Variants in GBE1 observed in about 807,000 individuals in gnomAD.
The protein encoded by GBE1 is 1,4-alpha-glucan-branching enzyme.
A neutral mutation model predicts 88.8 loss-of-function variants in GBE1; 70 were observed. That is an observed-to-expected ratio of 0.79 (90% CI 0.65 to 0.96). GBE1 has a LOEUF of 0.96. Among genes scored for constraint, GBE1 ranks in the 40% least tolerant of loss-of-function variants. The probability of loss-of-function intolerance (pLI) is 0.00; values close to 1 mark genes in which losing one functional copy is unlikely to be tolerated. For synonymous variants in GBE1, 284 were observed against 300.1 expected (o/e 0.95, Z 0.56); for missense variants, 872 against 871.0 (o/e 1.00, Z -0.01).
chr3:81,723,709 C>T (rs1421811802), intron 1 of GBE1, among the ~76,000 whole-genome samples: 2 of 152,160 alleles, frequency 1.3e-5, no homozygotes, highest in East Asian at 1.9e-4. Context: ...TGAAGCATGA[C>T]GTACTCATTC....
In GBE1 at chr3:81,577,905, T is replaced by C. The variant is rs1373605266; in HGVS notation, c.1618+20A>G. ...TAACATTTTAAACACAAATTGCATA[T>C]GTGTTTAACTCACACTTACCCATGA... On this transcript the variant is annotated intron_variant, in intron 12 of 15. Coordinates refer to ENST00000429644, the MANE Select transcript of GBE1 (RefSeq NM_000158.4). 1.3e-6 allele frequency: 2 copies of C among 1,555,640 alleles called. No homozygotes were observed. Among genetic ancestry groups the C allele is most frequent in the Non-Finnish European group, 1.7e-6 (2 of 1,157,654 alleles).
intron 9 of GBE1, among the ~76,000 whole-genome samples, chr3:81,587,819 AAT>A (rs1337970699): frequency 1.3e-5 from 2 of 152,198 alleles, no homozygotes; most frequent in East Asian, 3.8e-4. Context: ...CTAGGACCTA[AAT>A]ACACACAAAC....
intron 7 of GBE1, chr3:81,612,890 G>T (rs1416043229): frequency 9.9e-6 from 4 of 403,224 alleles, no homozygotes; most frequent in Non-Finnish European, 1.9e-5. Context: ...AACCATTACA[G>T]TACTACTTGG....
At chr3:81,577,492 TTCACACATTTA>T (rs1406442601) in intron 12 of GBE1, among the ~76,000 whole-genome samples, 3 of 152,170 alleles carry the variant, frequency 2.0e-5, no homozygotes, top group African/African-American at 7.2e-5. Flanking sequence ...TGAACCTAAG[TTCACACATTTA>T]TAACACAAGT....
intron 15 of GBE1, among the ~76,000 whole-genome samples, chr3:81,492,190 T>C (rs1386558117): frequency 6.6e-6 from 1 of 152,222 alleles, no homozygotes; most frequent in Non-Finnish European, 1.5e-5. Context: ...GAGAAAACCA[T>C]GTATTTCAGT....
chr3:81,703,115 AT>A (rs1705724644), intron 2 of GBE1, among the ~76,000 whole-genome samples: 1 of 152,034 alleles, frequency 6.6e-6, no homozygotes. Flanking sequence ...TCTGCATGGA[AT>A]TTTAAAAAAG....
At chr3:81,537,730 A>T (rs1169556424) in intron 12 of GBE1, among the ~76,000 whole-genome samples, 1 of 151,850 alleles carries the variant, frequency 6.6e-6, no homozygotes, top group African/African-American at 2.4e-5. Context: ...TTTATTATGA[A>T]TTTTCCGTAT....
At chr3:81,732,785 T>C (rs1706207612) in intron 1 of GBE1, among the ~76,000 whole-genome samples, 1 of 152,182 alleles carries the variant, frequency 6.6e-6, no homozygotes. Flanking sequence ...CATAAGTTCA[T>C]GTCATTTGTC....
At chr3:81,584,514 T>A (rs1264277293) in intron 10 of GBE1, among the ~76,000 whole-genome samples, 1 of 152,106 alleles carries the variant, frequency 6.6e-6, no homozygotes. Flanking sequence ...TTTTATTAAC[T>A]AAGGGGGGAC....
At chr3:81,587,672 G>A (rs114852295) in intron 9 of GBE1, among the ~76,000 whole-genome samples, 1,531 of 152,174 alleles carry the variant, frequency 0.01, 14 homozygotes, top group African/African-American at 0.024. Context: ...GTTGTTCACC[G>A]ATATACCCTA....
chr3:81,611,773 A>G (rs995001924), intron 7 of GBE1, among the ~76,000 whole-genome samples: 1 of 152,206 alleles, frequency 6.6e-6, no homozygotes, highest in Non-Finnish European at 1.5e-5. Context: ...TAAAGAGGGC[A>G]TGTCAAAGTA....
chr3:81,720,332 C>A (rs973240830), intron 1 of GBE1, among the ~76,000 whole-genome samples: 1 of 147,416 alleles, frequency 6.8e-6, no homozygotes, highest in Non-Finnish European at 1.5e-5. Flanking sequence ...CACGCACACA[C>A]TGTGTGTGTA....
chr3:81,556,100 C>T (rs965037429), intron 12 of GBE1, among the ~76,000 whole-genome samples: 17 of 151,984 alleles, frequency 1.1e-4, no homozygotes, highest in African/African-American at 3.1e-4. Context: ...GTCTATTTAA[C>T]GTAATTGTAC....
At chr3:81,690,522 C>A (rs964434637) in intron 2 of GBE1, among the ~76,000 whole-genome samples, 3 of 152,164 alleles carry the variant, frequency 2.0e-5, no homozygotes, top group African/African-American at 7.2e-5. Flanking sequence ...TTTATAGTTA[C>A]ATGTACATGC....
intron 7 of GBE1, among the ~76,000 whole-genome samples, chr3:81,624,424 A>G (rs1158442076): frequency 2.6e-5 from 4 of 152,122 alleles, no homozygotes. Flanking sequence ...TTTGTTCATA[A>G]AGCCTCCTGC....
Position 81,509,018 on chromosome 3 carries a change from C to G in GBE1, c.1935-9791G>C, listed in dbSNP as rs773837510. 5.9e-4 allele frequency among the ~76,000 whole-genome samples: 89 copies of G among 152,114 alleles called. 1 individual carries two copies. The highest frequency in any genetic ancestry group is 1.6e-3 in the Admixed American group (24 of 15,262). ...AGCACTGGGAAAAGTACTCAAATTA[C>G]TAGCTGCTGTGGCTATTATTACTAT... On this transcript the variant is annotated intron_variant, in intron 14 of 15. Coordinates refer to ENST00000429644, the MANE Select transcript of GBE1 (RefSeq NM_000158.4).
At chr3:81,540,980 C>T (rs997001095) in intron 12 of GBE1, among the ~76,000 whole-genome samples, 1 of 151,936 alleles carries the variant, frequency 6.6e-6, no homozygotes, top group African/African-American at 2.4e-5. Flanking sequence ...CTGGCTAGAA[C>T]ACTCCTGGCA....
At chr3:81,597,359 T>C (rs1305440102) in intron 7 of GBE1, among the ~76,000 whole-genome samples, 1 of 151,246 alleles carries the variant, frequency 6.6e-6, no homozygotes, top group African/African-American at 2.4e-5. Context: ...AACCACTTAC[T>C]GTCCAGAAGC....
intron 7 of GBE1, among the ~76,000 whole-genome samples, chr3:81,604,752 A>T (rs141578600): frequency 1.3e-5 from 2 of 152,194 alleles, no homozygotes; most frequent in East Asian, 3.9e-4. Flanking sequence ...AAACCTACAA[A>T]AGTGGTATTT....
Sources: allele counts gnomAD v4.1 joint callset (sites outside exome capture counted in the v4.1 genomes callset), GRCh38; gene constraint gnomAD v4.1.1; transcripts MANE v1.5; gene names NCBI Gene and HGNC (gene_info 2026-07-23, HGNC 2026-07-21).